Variants in TRAF5 observed in about 807,000 individuals in gnomAD.
The protein encoded by TRAF5 is TNF receptor associated factor 5.
TRAF5 carries 48 observed loss-of-function variants against 64.5 expected under a neutral mutation model. The ratio of observed to expected loss-of-function variants is 0.74; its 90% CI spans 0.59 to 0.95. The LOEUF is 0.95. Ranked by LOEUF, TRAF5 falls within the 40% of genes least tolerant of loss-of-function variation. The pLI, the probability that TRAF5 is intolerant of heterozygous loss-of-function variation, is 0.00. For missense variants in TRAF5, 545 were observed against 662.8 expected (o/e 0.82, Z 1.95); for synonymous variants, 206 against 240.5 (o/e 0.86, Z 1.33).
intron 1 of TRAF5, among the ~76,000 whole-genome samples, chr1:211,327,190 T>C (rs531142372): frequency 6.6e-6 from 1 of 151,176 alleles, no homozygotes; most frequent in South Asian, 2.1e-4. Context: ...AGACTGGGGG[T>C]CCAAAGCTGG....
At chr1:211,369,835 T>C (rs1479299752) in intron 9 of TRAF5, among the ~76,000 whole-genome samples, 1 of 152,180 alleles carries the variant, frequency 6.6e-6, no homozygotes, top group African/African-American at 2.4e-5. Flanking sequence ...TGTGTGTGTG[T>C]GTGCGTGTGC....
rs773739174 is a variant in TRAF5 at position 211,353,366 on chromosome 1, T to C, written c.127T>C (p.Tyr43His). ...GTTTGTGGAGCGGTTGGAAGAGCGCTACAAATGTGCCTTCTGCCACTCGGT... is the reference window on the plus strand; with the variant it reads ...GTTTGTGGAGCGGTTGGAAGAGCGCCACAAATGTGCCTTCTGCCACTCGGT... ...YQFVERLEERYKCAFCHSVLH... is the reference protein window; with the variant it reads ...YQFVERLEERHKCAFCHSVLH... The change falls in exon 2 of 11, where the codon TAC becomes CAC. Residue 43 changes from tyrosine to histidine, a missense_variant. Coordinates refer to ENST00000261464, the MANE Select transcript of TRAF5 (RefSeq NM_001033910.3). 1.2e-6 allele frequency: 2 copies of C among 1,614,042 alleles called. No individual in the cohort carries two copies. The highest frequency in any genetic ancestry group is 1.3e-5 in the African/African-American group (1 of 74,908).
rs183601818 is a variant in TRAF5 at position 211,372,746 on chromosome 1, G to T, written c.*44G>T. 10,629 of 1,514,500 alleles carry T rather than the reference G, an allele frequency of 7.0e-3. 77 individuals are homozygous for T. The highest frequency in any genetic ancestry group is 8.0e-3 in the Non-Finnish European group (8,774 of 1,100,052). The allele number at this position is 1,514,500 out of a possible 1,614,324, so 93.8% of individuals were successfully genotyped here. A position where few individuals can be genotyped will look rare whatever the true frequency, so the allele number is the denominator to read the frequency against. On this transcript the variant is annotated 3_prime_UTR_variant, in exon 11 of 11. Coordinates refer to ENST00000261464, the MANE Select transcript of TRAF5 (RefSeq NM_001033910.3). ...AAGAGGACTTCTTGGGGCCAGAACTGTGGAGGAGAGCACATTTGATTATCA... is the reference window on the plus strand; with the variant it reads ...AAGAGGACTTCTTGGGGCCAGAACTTTGGAGGAGAGCACATTTGATTATCA...
At chr1:211,360,635 C>A in intron 5 of TRAF5, 67 bp from the exon 6 acceptor site, 3 of 1,262,042 alleles carry the variant, frequency 2.4e-6, no homozygotes, top group Non-Finnish European at 3.5e-6. Flanking sequence ...CCCAAAGAGA[C>A]ACAGGTGTAA....
intron 1 of TRAF5, among the ~76,000 whole-genome samples, chr1:211,331,826 C>T (rs192142990): frequency 3.0e-4 from 45 of 152,176 alleles, no homozygotes; most frequent in African/African-American, 7.7e-4. Context: ...CCACCACGGC[C>T]GGCTAATTTT....
intron 1 of TRAF5, among the ~76,000 whole-genome samples, chr1:211,339,759 GC>G (rs1702397714): frequency 6.6e-6 from 1 of 152,226 alleles, no homozygotes; most frequent in Non-Finnish European, 1.5e-5. Context: ...CCGCCAGGAA[GC>G]GTCTCTCGTC....
chr1:211,342,312 G>C (rs538834645), intron 1 of TRAF5, among the ~76,000 whole-genome samples: 1 of 152,006 alleles, frequency 6.6e-6, no homozygotes, highest in East Asian at 1.9e-4. Flanking sequence ...TTTGTTTTTT[G>C]ATATATTTTT....
At chr1:211,348,523 C>G (rs1247597412) in intron 1 of TRAF5, among the ~76,000 whole-genome samples, 1 of 151,692 alleles carries the variant, frequency 6.6e-6, no homozygotes, top group Admixed American at 6.6e-5. Flanking sequence ...GGATTGTGCC[C>G]TTGGTGTTGT....
intron 1 of TRAF5, chr1:211,346,487 G>C (rs577672834): frequency 5.4e-5 from 52 of 958,908 alleles, no homozygotes; most frequent in Non-Finnish European, 4.8e-5. Context: ...GATTTTATCT[G>C]TAGTAATCAG....
intron 5 of TRAF5, chr1:211,360,464 T>C (rs1703138163): frequency 1.9e-6 from 1 of 513,710 alleles, no homozygotes; most frequent in Admixed American, 3.6e-5. Flanking sequence ...TTCCCCAATC[T>C]ACCTTCTTTG....
intron 1 of TRAF5, among the ~76,000 whole-genome samples, chr1:211,345,689 G>T (rs1367988270): frequency 6.6e-6 from 1 of 152,230 alleles, no homozygotes; most frequent in Non-Finnish European, 1.5e-5. Context: ...GACCAACACT[G>T]CCAGCAAGAC....
intron 8 of TRAF5, 42 bp from the exon 9 acceptor site, chr1:211,369,410 T>C (rs1703449226): frequency 6.5e-7 from 1 of 1,549,898 alleles, no homozygotes; most frequent in Admixed American, 2.2e-5. Context: ...TGCATGCAGT[T>C]ATATTCAGTG....
intron 7 of TRAF5, among the ~76,000 whole-genome samples, chr1:211,364,688 A>ACAAAC (rs143374995): frequency 6.6e-6 from 1 of 150,780 alleles, no homozygotes; most frequent in Admixed American, 6.6e-5. Flanking sequence ...TCCATCTCAA[A>ACAAAC]AAACAAACAA....
Position 211,359,893 on chromosome 1 carries a change from C to G in TRAF5, c.379-19C>G, listed in dbSNP as rs1385871689. On this transcript the variant is annotated intron_variant, in intron 4 of 10. Coordinates refer to ENST00000261464, the MANE Select transcript of TRAF5 (RefSeq NM_001033910.3). ...ACCCTGGTCAGCAGGTCCCACTGGCCTGTTGTTATCTGTTGCAGGATCACC... is the reference window on the plus strand; with the variant it reads ...ACCCTGGTCAGCAGGTCCCACTGGCGTGTTGTTATCTGTTGCAGGATCACC... 6.2e-7 allele frequency: 1 copy of G among 1,613,532 alleles called. No homozygotes were observed. Among genetic ancestry groups the G allele is most frequent in the Non-Finnish European group, 8.5e-7 (1 of 1,179,672 alleles).
At chr1:211,371,836 TA>T (rs1400752736) in intron 10 of TRAF5, among the ~76,000 whole-genome samples, 1 of 152,256 alleles carries the variant, frequency 6.6e-6, no homozygotes. Flanking sequence ...AAAAGCATTC[TA>T]GTTAGAAAAG....
intron 1 of TRAF5, among the ~76,000 whole-genome samples, chr1:211,336,999 C>T (rs938721118): frequency 9.2e-5 from 14 of 152,100 alleles, no homozygotes; most frequent in Non-Finnish European, 1.3e-4. Context: ...TCCAAAGTGC[C>T]GGGATTAAAG....
intron 1 of TRAF5, among the ~76,000 whole-genome samples, chr1:211,331,401 A>G (rs1702152442): frequency 6.6e-6 from 1 of 152,222 alleles, no homozygotes; most frequent in Admixed American, 6.5e-5. Flanking sequence ...AAGTTGCCCA[A>G]CTTCCATAGT....
chr1:211,364,019 C>G (rs1703269150), intron 7 of TRAF5, among the ~76,000 whole-genome samples: 1 of 151,938 alleles, frequency 6.6e-6, no homozygotes. Flanking sequence ...TGCCTCAGCA[C>G]CAGAGCTTGG....
At chr1:211,332,258 G>A (rs1702175687) in intron 1 of TRAF5, among the ~76,000 whole-genome samples, 1 of 152,152 alleles carries the variant, frequency 6.6e-6, no homozygotes, top group Non-Finnish European at 1.5e-5. Flanking sequence ...AAACAGATTT[G>A]GAAAACAAAA....
Sources: allele counts gnomAD v4.1 joint callset (sites outside exome capture counted in the v4.1 genomes callset), GRCh38; gene constraint gnomAD v4.1.1; transcripts MANE v1.5; gene names NCBI Gene and HGNC (gene_info 2026-07-23, HGNC 2026-07-21).